Variants in CUX1 observed in about 807,000 individuals in gnomAD.
CUX1 encodes the protein protein CASP.
In CUX1, 31 loss-of-function variants were observed where a neutral mutation model predicts 158.8. That is an observed-to-expected ratio of 0.20 (90% CI 0.15 to 0.26). The LOEUF is 0.26. Among genes scored for constraint, CUX1 ranks in the 10% least tolerant of loss-of-function variants. The pLI is 1.00. For synonymous variants in CUX1, 879 were observed against 862.1 expected (o/e 1.02, Z -0.34); for missense variants, 1,589 against 2,014.6 (o/e 0.79, Z 4.04).
At chr7:102,016,456 A>T (rs1183974239) in intron 2 of CUX1, among the ~76,000 whole-genome samples, 1 of 152,176 alleles carries the variant, frequency 6.6e-6, no homozygotes, top group Non-Finnish European at 1.5e-5. Flanking sequence ...CTCAACAAAC[A>T]TCTGTCGCAT....
At chr7:102,209,710 C>G (rs1428777875) in intron 20 of CUX1, among the ~76,000 whole-genome samples, 10 of 152,160 alleles carry the variant, frequency 6.6e-5, no homozygotes, top group African/African-American at 2.4e-4. Context: ...GGGACTGATT[C>G]TGCAAGCCCC....
intron 20 of CUX1, among the ~76,000 whole-genome samples, chr7:102,215,154 A>G (rs1796922782): frequency 6.7e-6 from 1 of 150,366 alleles, no homozygotes; most frequent in Non-Finnish European, 1.5e-5. Flanking sequence ...GCTTAAAAAC[A>G]CCTCGTGAAT....
At position 101,852,792 on chromosome 7, in the gene CUX1, T is replaced by C. The variant is rs1370965958; in HGVS notation, c.30+35123T>C. Among the ~76,000 whole-genome samples, 9 of 149,614 alleles carry C rather than the reference T, an allele frequency of 6.0e-5. No individual in the cohort carries two copies. The Admixed American group carries it at 6.1e-4, about 10-fold the overall frequency. ...CCTGGGTTCAAGCATTTCTCCTGTCTCTGCCTCCCAAGTAGCTGGGATTAT... is the reference window on the plus strand; with the variant it reads ...CCTGGGTTCAAGCATTTCTCCTGTCCCTGCCTCCCAAGTAGCTGGGATTAT... On this transcript the variant is annotated intron_variant, in intron 1 of 23. Transcript: ENST00000292535.
chr7:102,158,263 A>T (rs1790009439), intron 8 of CUX1, among the ~76,000 whole-genome samples: 1 of 151,588 alleles, frequency 6.6e-6, no homozygotes, highest in Non-Finnish European at 1.5e-5. Flanking sequence ...CTCTTTTTGA[A>T]CCCTTGGCAG....
intron 8 of CUX1, among the ~76,000 whole-genome samples, chr7:102,139,010 C>A (rs1834174285): frequency 6.6e-6 from 1 of 152,050 alleles, no homozygotes; most frequent in African/African-American, 2.4e-5. Context: ...TTTGGGAGAT[C>A]AAGGCAGGCG....
intron 2 of CUX1, among the ~76,000 whole-genome samples, chr7:101,984,143 T>G (rs867758172): frequency 1.0e-5 from 1 of 95,638 alleles, no homozygotes; most frequent in African/African-American, 3.9e-5. Context: ...CACACACATA[T>G]ATATATGTGT....
chr7:102,109,875 C>T (rs1468702434), intron 6 of CUX1, among the ~76,000 whole-genome samples: 1 of 152,088 alleles, frequency 6.6e-6, no homozygotes, highest in African/African-American at 2.4e-5. Context: ...GATTCACTCT[C>T]AAAATTATAC....
At chr7:102,108,836 C>T in intron 6 of CUX1, among the ~76,000 whole-genome samples, 1 of 151,328 alleles carries the variant, frequency 6.6e-6, no homozygotes, top group East Asian at 1.9e-4. Context: ...CTCACTGCAA[C>T]CTCCACCTCC....
At chr7:102,019,208 C>T (rs1381056588) in intron 2 of CUX1, among the ~76,000 whole-genome samples, 4 of 147,612 alleles carry the variant, frequency 2.7e-5, no homozygotes, top group African/African-American at 9.9e-5. Context: ...CCCCACTTTT[C>T]AACATCAGAC....
At chr7:101,861,221 A>T (rs1797429135) in intron 1 of CUX1, among the ~76,000 whole-genome samples, 1 of 151,774 alleles carries the variant, frequency 6.6e-6, no homozygotes, top group Non-Finnish European at 1.5e-5. Flanking sequence ...GAATTGGCAC[A>T]TTTTCCTTTA....
chr7:102,129,700 C>T (rs1833013901), intron 8 of CUX1, among the ~76,000 whole-genome samples: 1 of 151,964 alleles, frequency 6.6e-6, no homozygotes, highest in Non-Finnish European at 1.5e-5. Context: ...AAAATCAACA[C>T]CAGAGGTTAA....
intron 2 of CUX1, among the ~76,000 whole-genome samples, chr7:101,962,137 A>G (rs1270146367): frequency 6.6e-6 from 1 of 152,256 alleles, no homozygotes; most frequent in Non-Finnish European, 1.5e-5. Flanking sequence ...AATATAAACT[A>G]ACAGTAACAG....
At position 101,911,050 on chromosome 7, in the gene CUX1, C is replaced by T. The variant is rs562810306; in HGVS notation, c.31-5065C>T. 4.5e-4 allele frequency among the ~76,000 whole-genome samples: 68 copies of T among 152,416 alleles called. 2 individuals are homozygous for T. The South Asian group carries it at 0.014, about 31-fold the overall frequency. ...AGCTATCCACAGCACCCCAGCTGTA[C>T]ACCAGCGTCACGGGATGAGGGATGC... On this transcript the variant is annotated intron_variant, in intron 1 of 23. Transcript: ENST00000292535.
chr7:102,228,690 C>T (rs1349719864), intron 21 of CUX1, among the ~76,000 whole-genome samples: 2 of 152,086 alleles, frequency 1.3e-5, no homozygotes, highest in East Asian at 1.9e-4. Flanking sequence ...TTCAGCTACT[C>T]GGGAGGCTGA....
intron 1 of CUX1, among the ~76,000 whole-genome samples, chr7:101,859,600 C>G (rs914269839): frequency 6.6e-6 from 1 of 152,146 alleles, no homozygotes; most frequent in African/African-American, 2.4e-5. Context: ...CAGCTGTCAT[C>G]AGAACGTTTG....
intron 1 of CUX1, among the ~76,000 whole-genome samples, chr7:101,828,606 C>T (rs1451319728): frequency 6.6e-6 from 1 of 152,222 alleles, no homozygotes; most frequent in Non-Finnish European, 1.5e-5. Context: ...AGGAATGTCT[C>T]ACGTCTGCCT....
chr7:101,921,615 C>T (rs1804949847), intron 2 of CUX1, among the ~76,000 whole-genome samples: 1 of 152,020 alleles, frequency 6.6e-6, no homozygotes, highest in South Asian at 2.1e-4. Context: ...TACCCGTCAC[C>T]ATGCCCGGCT....
chr7:102,122,854 A>G (rs893113825), intron 8 of CUX1, among the ~76,000 whole-genome samples: 1 of 152,158 alleles, frequency 6.6e-6, no homozygotes, highest in African/African-American at 2.4e-5. Flanking sequence ...ACGATAGAGT[A>G]AGGACAGGGT....
At position 102,281,807 on chromosome 7, in the gene CUX1, C is replaced by T. The variant is rs373283478; in HGVS notation, c.1822-33C>T. 7.5e-6 allele frequency: 11 copies of T among 1,457,166 alleles called. No homozygotes were observed. The South Asian group carries it at 1.3e-4, about 17-fold the overall frequency. 90.3% of individuals were successfully genotyped at this position (1,457,166 alleles called of 1,614,324 possible). On this transcript the variant is annotated intron_variant, in intron 20 of 22. Coordinates refer to the CUX1 transcript ENST00000292538. Reference sequence around the variant, plus strand: ...GCCCTGCAGGGGTGGGTGAGGCCGGCCCCATCCCCACTCACCCCCTCCTTG... The same window carrying T: ...GCCCTGCAGGGGTGGGTGAGGCCGGTCCCATCCCCACTCACCCCCTCCTTG...
Sources: gnomAD v4.1 joint callset for allele counts (sites outside exome capture counted in the v4.1 genomes callset) on GRCh38, gnomAD v4.1.1 for gene constraint, MANE v1.5 for transcripts, NCBI Gene and HGNC (gene_info 2026-07-23, HGNC 2026-07-21) for gene names.